Variants in TNPO1 observed in about 807,000 individuals in gnomAD.
TNPO1 encodes transportin-1.
A neutral mutation model predicts 119.5 loss-of-function variants in TNPO1; 8 were observed. The observed-to-expected ratio is 0.07, with a 90% CI of 0.04 to 0.12. TNPO1 has a LOEUF of 0.12. Ranked by LOEUF, TNPO1 falls within the 10% of genes least tolerant of loss-of-function variation. The pLI, the probability that TNPO1 is intolerant of heterozygous loss-of-function variation, is 1.00. For synonymous variants in TNPO1, 362 were observed against 363.0 expected (o/e 1.00, Z 0.03); for missense variants, 576 against 1,089.8 (o/e 0.53, Z 6.64).
intron 6 of TNPO1, among the ~76,000 whole-genome samples, chr5:72,871,033 G>A (rs562256607): frequency 3.3e-5 from 5 of 152,130 alleles, no homozygotes; most frequent in South Asian, 4.1e-4. Flanking sequence ...ACAGTGGCGC[G>A]ATCTCGGCTC....
chr5:72,901,388 C>T (rs1051847561), intron 22 of TNPO1, among the ~76,000 whole-genome samples: 3 of 152,094 alleles, frequency 2.0e-5, no homozygotes, highest in African/African-American at 7.2e-5. Flanking sequence ...CCTCCCATCC[C>T]TGGATATCAG....
chr5:72,859,348 C>G (rs1746254889), intron 4 of TNPO1, among the ~76,000 whole-genome samples: 1 of 152,200 alleles, frequency 6.6e-6, no homozygotes, highest in Non-Finnish European at 1.5e-5. Flanking sequence ...CCTGCTGTAG[C>G]AACCAAAAAT....
Position 72,906,277 on chromosome 5 carries a change from T to C in TNPO1, c.*35+832T>C, listed in dbSNP as rs1318626229. Among the ~76,000 whole-genome samples the C allele has an allele frequency of 1.1e-3, 51 of 45,960 alleles. 1 individual carries two copies. Among genetic ancestry groups the C allele is most frequent in the African/African-American group, 3.8e-3 (49 of 12,782 alleles). 30.2% of individuals were successfully genotyped at this position (45,960 alleles called of 152,430 possible). A position where few individuals can be genotyped will look rare whatever the true frequency, so the allele number is the denominator to read the frequency against. The stretch of plus-strand genomic sequence containing the variant: ...ATGTGCCCATCACTTTTTTTTTTCT[T>C]TTTTTTTTTTTTTTTTTTTTTTTTT... On this transcript the variant is annotated intron_variant, in intron 24 of 24. Transcript: ENST00000337273.
chr5:72,898,532 CCCAAAAAAGTGGGGTTTTTT>C (rs1420597383), intron 20 of TNPO1, among the ~76,000 whole-genome samples: 2 of 151,930 alleles, frequency 1.3e-5, no homozygotes, highest in Admixed American at 6.6e-5. Flanking sequence ...TTATTTCTTA[CCCAAAAAAGTGGGGTTTTTT>C]AATTATTAAA....
In TNPO1 at chr5:72,877,383, T is replaced by C. The variant is rs144441216; in HGVS notation, c.920+37T>C. On this transcript the variant is annotated intron_variant, in intron 9 of 24. Transcript: ENST00000337273. ...CTCTTATAAATGCTGCCTTGTTCTT[T>C]AATTTCTTAAGTGATTCTTCATTTT... 3,391 of 982,628 alleles carry C rather than the reference T, an allele frequency of 3.5e-3. 7 individuals carry two copies. The highest frequency in any genetic ancestry group is 4.5e-3 in the Non-Finnish European group (2,960 of 663,178). 60.9% of individuals were successfully genotyped at this position (982,628 alleles called of 1,614,324 possible).
intron 20 of TNPO1, among the ~76,000 whole-genome samples, chr5:72,897,980 C>T (rs539875005): frequency 2.0e-5 from 3 of 152,076 alleles, no homozygotes; most frequent in African/African-American, 7.2e-5. Context: ...TCATTTTATT[C>T]TAATGCTATT....
At chr5:72,828,860 A>G (rs766378250) in intron 1 of TNPO1, among the ~76,000 whole-genome samples, 1 of 152,206 alleles carries the variant, frequency 6.6e-6, no homozygotes. Context: ...GATGTGTATT[A>G]TAACTCTTCA....
chr5:72,892,504 GC>G (rs535058464), intron 15 of TNPO1, among the ~76,000 whole-genome samples: 403 of 152,060 alleles, frequency 2.7e-3, no homozygotes, highest in Non-Finnish European at 4.7e-3. Flanking sequence ...GCAATTCTGG[GC>G]CCAGCAAAAC....
At chr5:72,850,903 A>G (rs567476687) in intron 2 of TNPO1, among the ~76,000 whole-genome samples, 157 of 152,296 alleles carry the variant, frequency 1.0e-3, no homozygotes, top group African/African-American at 3.6e-3. Flanking sequence ...TTGTCATTTT[A>G]TGCTTAAATA....
intron 12 of TNPO1, among the ~76,000 whole-genome samples, 200 bp downstream of exon 12, chr5:72,887,422 G>T (rs1748730598): frequency 1.3e-5 from 2 of 152,154 alleles, no homozygotes; most frequent in Non-Finnish European, 2.9e-5. Flanking sequence ...AGGCATGGTG[G>T]CTCACGCCTA....
chr5:72,910,084 T>G lies in TNPO1; in HGVS notation c.*1411T>G, dbSNP rs1483840333. The G allele has an allele frequency of 6.6e-6, 1 of 152,626 alleles. No homozygotes were observed. The highest frequency in any genetic ancestry group is 2.4e-5 in the African/African-American group (1 of 41,450). The allele number at this position is 152,626 out of a possible 1,614,324, so 9.5% of individuals were successfully genotyped here. On this transcript the variant is annotated 3_prime_UTR_variant, in exon 25 of 25. Transcript: ENST00000337273. The stretch of plus-strand genomic sequence containing the variant: ...ACATACTGCCTTCTAAGCTTCCCTT[T>G]TTTTGTTCAAAGCATGATCTTAAAG...
intron 2 of TNPO1, among the ~76,000 whole-genome samples, chr5:72,850,139 A>C (rs1233817815): frequency 2.6e-5 from 4 of 152,210 alleles, no homozygotes; most frequent in Non-Finnish European, 5.9e-5. Flanking sequence ...GTTTCTCCTA[A>C]GAAGATAATA....
rs899318274 is a variant in TNPO1, at chr5:72,888,217, G to A, written c.1443G>A (p.Pro481=). 10 of 1,614,124 alleles carry A rather than the reference G, an allele frequency of 6.2e-6. No individual in the cohort carries two copies. Among genetic ancestry groups the A allele is most frequent in the South Asian group, 1.1e-5 (1 of 91,086 alleles). The change falls in exon 13 of 25, where the codon CCG becomes CCA. Residue 481 remains proline, a synonymous_variant. Transcript: ENST00000337273. ...ATGCACACTGGGTGGTCAGCCAGCC[G>A]CCAGACACGTACCTGAAGCCATTAA... is the stretch of plus-strand genomic sequence containing the variant. ...SRYAHWVVSQ[P]PDTYLKPLMT... is the part of the protein sequence containing the mutation.
intron 1 of TNPO1, 98 bp from the exon 2 acceptor site, chr5:72,848,287 G>A: frequency 7.4e-7 from 1 of 1,344,198 alleles, no homozygotes; most frequent in Non-Finnish European, 9.7e-7. Flanking sequence ...GGTTGTGGTG[G>A]CGGGGAGAAC....
At chr5:72,839,854 A>C (rs978416733) in intron 1 of TNPO1, among the ~76,000 whole-genome samples, 2 of 152,208 alleles carry the variant, frequency 1.3e-5, no homozygotes, top group Admixed American at 1.3e-4. Flanking sequence ...TTAAACATAC[A>C]TGGAGAGTGA....
chr5:72,896,686 A>G (rs974662468), intron 19 of TNPO1, 130 bp downstream of exon 19: 11 of 608,142 alleles, frequency 1.8e-5, no homozygotes, highest in African/African-American at 1.4e-4. Context: ...CCTGGTTGAC[A>G]TGGTGAAACC....
intron 1 of TNPO1, among the ~76,000 whole-genome samples, chr5:72,841,149 T>C (rs1744894998): frequency 6.6e-6 from 1 of 151,570 alleles, no homozygotes; most frequent in Non-Finnish European, 1.5e-5. Flanking sequence ...AGACCGAATT[T>C]CCCTCTTGTT....
At chr5:72,848,755 A>T (rs966798898) in intron 2 of TNPO1, among the ~76,000 whole-genome samples, 1 of 144,326 alleles carries the variant, frequency 6.9e-6, no homozygotes, top group South Asian at 2.3e-4. Context: ...TCCGGCGCGC[A>T]GGAGGCGGGG....
chr5:72,827,286 G>A (rs1284884842), intron 1 of TNPO1, among the ~76,000 whole-genome samples: 2 of 152,198 alleles, frequency 1.3e-5, no homozygotes, highest in Non-Finnish European at 2.9e-5. Context: ...GTTAGGTACA[G>A]CTTTGCAGGC....
Sources: gnomAD v4.1 joint callset for allele counts (sites outside exome capture counted in the v4.1 genomes callset) on GRCh38, gnomAD v4.1.1 for gene constraint, MANE v1.5 for transcripts, NCBI Gene and HGNC (gene_info 2026-07-23, HGNC 2026-07-21) for gene names.